The following DPP6 variants were observed in gnomAD, a reference collection of about 807,000 sequenced individuals.
DPP6 encodes the protein dipeptidyl peptidase like 6.
Under a neutral mutation model 122.6 loss-of-function variants are expected in DPP6, and 69 were observed. The observed-to-expected ratio is 0.56, with a 90% CI of 0.46 to 0.69. DPP6 has a LOEUF of 0.69. DPP6 is among the 30% of genes least tolerant of loss of function. The pLI is 0.00. For missense variants in DPP6, 928 were observed against 1,116.9 expected (o/e 0.83, Z 2.41); for synonymous variants, 418 against 433.1 (o/e 0.97, Z 0.43).
intron 1 of DPP6, among the ~76,000 whole-genome samples, chr7:154,083,791 G>T (rs1188131845): frequency 2.0e-5 from 3 of 151,334 alleles, no homozygotes; most frequent in Non-Finnish European, 2.9e-5. Flanking sequence ...CCTGGGACAG[G>T]CTCCAATCTC....
chr7:154,593,246 G>A (rs1005265847), intron 5 of DPP6, among the ~76,000 whole-genome samples: 10 of 152,180 alleles, frequency 6.6e-5, no homozygotes, highest in East Asian at 1.9e-4. Flanking sequence ...TAATAGCTCC[G>A]GTCCAGCTAG....
rs375711907 is a variant in DPP6 at position 153,942,779 on chromosome 7, C to T, written c.51+55045C>T. Among the ~76,000 whole-genome samples the T allele has an allele frequency of 6.6e-5, 10 of 152,194 alleles. No homozygotes were observed. The East Asian group carries it at 7.7e-4, about 12-fold the overall frequency. Reference sequence around the variant, plus strand: ...CTGTTCAGGAGACCTAGTTATGAGACGGCTGCCTGTGGTTGCCTACCATTC... The same window carrying T: ...CTGTTCAGGAGACCTAGTTATGAGATGGCTGCCTGTGGTTGCCTACCATTC... On this transcript the variant is annotated intron_variant, in intron 1 of 25. Coordinates refer to the DPP6 transcript ENST00000404039.
At chr7:154,670,420 C>T (rs1480085348) in intron 7 of DPP6, among the ~76,000 whole-genome samples, 1 of 152,226 alleles carries the variant, frequency 6.6e-6, no homozygotes, top group African/African-American at 2.4e-5. Context: ...TGGACAGCAC[C>T]TCCCGCTGTC....
chr7:154,337,403 A>G (rs1477279323), intron 1 of DPP6, among the ~76,000 whole-genome samples: 1 of 152,220 alleles, frequency 6.6e-6, no homozygotes, highest in East Asian at 1.9e-4. Context: ...AGTTTTCAAT[A>G]TTGTAATAGG....
chr7:154,220,421 G>T (rs1800238252), intron 1 of DPP6, among the ~76,000 whole-genome samples: 1 of 152,164 alleles, frequency 6.6e-6, no homozygotes, highest in African/African-American at 2.4e-5. Context: ...CTAGCTAACT[G>T]GGGAAGGTGG....
chr7:153,795,656 CTTTTCT>C, the DPP6 span, among the ~76,000 whole-genome samples: 2 of 151,912 alleles, frequency 1.3e-5, no homozygotes, highest in African/African-American at 4.8e-5. Context: ...TGTTAATTTG[CTTTTCT>C]TTTTCTAAGT....
chr7:154,766,103 G>T (rs1795879627), intron 8 of DPP6, among the ~76,000 whole-genome samples: 1 of 152,128 alleles, frequency 6.6e-6, no homozygotes. Context: ...AATAAAAATG[G>T]CAAGGAGCGA....
At chr7:153,791,130 T>C in the DPP6 span, among the ~76,000 whole-genome samples, 2 of 152,216 alleles carry the variant, frequency 1.3e-5, no homozygotes, top group Non-Finnish European at 2.9e-5. Flanking sequence ...GGAAATTATA[T>C]GTGTTTTGTT....
At chr7:154,737,272 C>T (rs923322569) in intron 8 of DPP6, among the ~76,000 whole-genome samples, 4 of 152,132 alleles carry the variant, frequency 2.6e-5, no homozygotes, top group Non-Finnish European at 5.9e-5. Context: ...TTCCAGGAAC[C>T]CCACTGCACC....
chr7:153,806,069 A>T, the DPP6 span, among the ~76,000 whole-genome samples: 1 of 151,882 alleles, frequency 6.6e-6, no homozygotes, highest in Non-Finnish European at 1.5e-5. Flanking sequence ...AAGATCACAT[A>T]TCTGACGTCA....
chr7:153,896,278 G>T (rs993875008), intron 1 of DPP6, among the ~76,000 whole-genome samples: 1 of 152,118 alleles, frequency 6.6e-6, no homozygotes, highest in African/African-American at 2.4e-5. Context: ...TGGACTAACA[G>T]TCTCATACGT....
At chr7:154,464,401 A>G (rs1257392178) in intron 2 of DPP6, among the ~76,000 whole-genome samples, 1 of 152,228 alleles carries the variant, frequency 6.6e-6, no homozygotes, top group Non-Finnish European at 1.5e-5. Context: ...AGTCAAAACC[A>G]GATACTGTGA....
At chr7:154,051,875 G>C (rs1299895501), upstream of DPP6, among the ~76,000 whole-genome samples, 3 of 151,088 alleles carry the variant, frequency 2.0e-5, no homozygotes, top group Non-Finnish European at 4.4e-5. Context: ...CACCAGCGTC[G>C]TCCGACCACC....
chr7:154,132,773 C>G (rs1364624452), intron 1 of DPP6, among the ~76,000 whole-genome samples: 1 of 152,082 alleles, frequency 6.6e-6, no homozygotes, highest in African/African-American at 2.4e-5. Context: ...CCTCACTGGG[C>G]CACCAGGAGA....
At chr7:153,786,478 G>A in the DPP6 span, among the ~76,000 whole-genome samples, 3 of 151,640 alleles carry the variant, frequency 2.0e-5, no homozygotes, top group African/African-American at 4.8e-5. Flanking sequence ...AGTGGCTCAC[G>A]CCTGTAATCC....
intron 16 of DPP6, among the ~76,000 whole-genome samples, chr7:154,848,807 G>C (rs573005844): frequency 6.6e-6 from 1 of 151,488 alleles, no homozygotes; most frequent in African/African-American, 2.4e-5. Flanking sequence ...TTACACTGAA[G>C]TCTTTAATCG....
At chr7:154,611,538 C>CGT (rs545217333) in intron 5 of DPP6, among the ~76,000 whole-genome samples, 3 of 151,760 alleles carry the variant, frequency 2.0e-5, no homozygotes, top group East Asian at 1.9e-4. Context: ...GGAGTGTGTG[C>CGT]ATGTGTGTGT....
At chr7:154,132,623 T>G (rs1302571347) in intron 1 of DPP6, among the ~76,000 whole-genome samples, 2 of 152,182 alleles carry the variant, frequency 1.3e-5, no homozygotes, top group Non-Finnish European at 2.9e-5. Flanking sequence ...TCCCATTCTT[T>G]CTTCAAATGC....
chr7:154,537,550 C>T (rs1346306416), intron 3 of DPP6, among the ~76,000 whole-genome samples: 4 of 152,038 alleles, frequency 2.6e-5, no homozygotes, highest in African/African-American at 9.6e-5. Flanking sequence ...ATTAGATCAG[C>T]GTGGTGGTGC....
Sources: allele counts gnomAD v4.1 joint callset (sites outside exome capture counted in the v4.1 genomes callset), GRCh38; gene constraint gnomAD v4.1.1; transcripts MANE v1.5; gene names NCBI Gene and HGNC (gene_info 2026-07-23, HGNC 2026-07-21).